KIAA1217: variants seen among roughly 807,000 people sequenced by gnomAD.
KIAA1217 encodes the protein KIAA1217, also known as sickle tail protein homolog.
KIAA1217 carries 88 observed loss-of-function variants against 163.9 expected under a neutral mutation model. That is an observed-to-expected ratio of 0.54 (90% CI 0.45 to 0.64). The LOEUF (loss-of-function observed/expected upper bound fraction) is 0.64. KIAA1217 is among the 30% of genes least tolerant of loss of function. KIAA1217 has a pLI of 0.00. For synonymous variants in KIAA1217, 903 were observed against 923.1 expected, an observed-to-expected ratio of 0.98 and a Z score of 0.39; for missense variants, 2,372 against 2,475.0, an observed-to-expected ratio of 0.96 and a Z score of 0.88.
intron 2 of KIAA1217, among the ~76,000 whole-genome samples, chr10:24,363,561 G>GTTT (rs965092942): frequency 1.6e-5 from 1 of 64,262 alleles, no homozygotes; most frequent in Non-Finnish European, 4.4e-5. Flanking sequence ...TGTGGGTTTT[G>GTTT]TTTTTGTTTT....
Position 24,546,310 on chromosome 10 carries a change from A to G in KIAA1217, c.5818A>G (p.Lys1940Glu). Reference protein sequence around the residue: ...SSSKATPSTAKETS With the variant: ...SSSKATPSTAEETS ...AAGCAAAGCCACCCCATCCACAGCA[A>G]AAGAAACCTCTTAAAGGTCAAATCC... The change falls in exon 21 of 21, where the codon AAA (lysine) becomes GAA (glutamate). Residue 1940 changes from lysine (K) to glutamate (E), a missense_variant. Physicochemically the swap from Lys to Glu is moderately conservative, Grantham distance 56 (BLOSUM62 1). Coordinates refer to ENST00000376454, the MANE Select transcript of KIAA1217 (RefSeq NM_019590.5). The G allele has an allele frequency of 6.3e-7, 1 of 1,597,992 alleles. No homozygotes were observed. The highest frequency in any genetic ancestry group is 8.5e-7 in the Non-Finnish European group (1 of 1,172,348).
chr10:24,094,270 G>A (rs1030542351), intron 2 of KIAA1217, among the ~76,000 whole-genome samples: 7 of 152,178 alleles, frequency 4.6e-5, no homozygotes, highest in African/African-American at 7.2e-5. Context: ...CCCACCAACA[G>A]TGTAAAAGTG....
In KIAA1217 at chr10:24,266,813, G is replaced by A. The variant is rs529659588; in HGVS notation, c.354+46904G>A. 5.3e-5 allele frequency among the ~76,000 whole-genome samples: 8 copies of A among 152,364 alleles called. No individual in the cohort carries two copies. In the East Asian group the frequency reaches 1.5e-3, roughly 29 times the overall value. On this transcript the variant is annotated intron_variant, in intron 2 of 20. Transcript: ENST00000376454. Reference sequence around the variant, plus strand: ...GAATAAATGCTGGCCACCCCAGCCAGTAGTGGCAACCCGCTCGGTCCCCTT... The same window carrying A: ...GAATAAATGCTGGCCACCCCAGCCAATAGTGGCAACCCGCTCGGTCCCCTT...
chr10:24,136,601 T>C (rs1452082764), intron 2 of KIAA1217, among the ~76,000 whole-genome samples: 1 of 152,198 alleles, frequency 6.6e-6, no homozygotes, highest in Admixed American at 6.5e-5. Context: ...ATCCCACCTT[T>C]GCTGAAAATA....
chr10:24,520,165 G>A lies in KIAA1217; in HGVS notation c.2220G>A (p.Thr740=). 1 of 1,614,100 alleles carries A rather than the reference G, an allele frequency of 6.2e-7. No homozygotes were observed. Reference sequence around the variant, plus strand: ...TTGAAGACTTGAAGAAGGACTCCACGGCAGCCAGCCGATTGGTTACTCTGA... The same window carrying A: ...TTGAAGACTTGAAGAAGGACTCCACAGCAGCCAGCCGATTGGTTACTCTGA... ...DFVEDLKKDS[T]AASRLVTLKD... The change falls in exon 11 of 21, where the codon ACG becomes ACA. Residue 740 remains threonine (T), a synonymous_variant. Coordinates refer to ENST00000376454, the MANE Select transcript of KIAA1217 (RefSeq NM_019590.5).
chr10:24,110,139 A>G (rs936257265), intron 2 of KIAA1217, among the ~76,000 whole-genome samples: 2 of 152,250 alleles, frequency 1.3e-5, no homozygotes, highest in African/African-American at 4.8e-5. Context: ...TTGAGTTTGT[A>G]TAAGAAAATG....
intron 3 of KIAA1217, among the ~76,000 whole-genome samples, chr10:24,429,646 T>G (rs1375141863): frequency 6.6e-6 from 1 of 152,214 alleles, no homozygotes; most frequent in African/African-American, 2.4e-5. Context: ...TTTTCTGGAC[T>G]GTTTGTTCTC....
At chr10:23,981,086 G>A (rs909217468) in intron 1 of KIAA1217, among the ~76,000 whole-genome samples, 10 of 152,174 alleles carry the variant, frequency 6.6e-5, no homozygotes, top group African/African-American at 2.4e-4. Flanking sequence ...ATAAACTTTA[G>A]TTAAGGCATC....
At chr10:24,409,415 A>T (rs1008087274) in intron 3 of KIAA1217, among the ~76,000 whole-genome samples, 1 of 152,228 alleles carries the variant, frequency 6.6e-6, no homozygotes, top group African/African-American at 2.4e-5. Flanking sequence ...AAATTAATTT[A>T]TAGTGACAGA....
chr10:23,837,043 A>C (rs1304251770), intron 1 of KIAA1217, among the ~76,000 whole-genome samples: 1 of 152,168 alleles, frequency 6.6e-6, no homozygotes, highest in Non-Finnish European at 1.5e-5. Context: ...TCACGTGTCT[A>C]TAATTCCACA....
intron 2 of KIAA1217, among the ~76,000 whole-genome samples, chr10:24,372,731 A>G (rs1396842300): frequency 6.6e-6 from 1 of 152,298 alleles, no homozygotes; most frequent in Non-Finnish European, 1.5e-5. Flanking sequence ...ATTGTGTCCA[A>G]TTACTAAATT....
rs573924661 is a variant in KIAA1217 at position 24,194,563 on chromosome 10, C to G, written c.-170-25063C>G. 1.5e-4 allele frequency among the ~76,000 whole-genome samples: 23 copies of G among 151,084 alleles called. 1 individual carries two copies. In the South Asian group the frequency reaches 4.9e-3, roughly 32 times the overall value. ...CTCACTTTGTCCTTAGCACAGGCAG[C>G]CTCTTTTCTTTGTTTTGGGGGTTGT... On this transcript the variant is annotated intron_variant, in intron 2 of 18. Coordinates refer to the KIAA1217 transcript ENST00000376462.
chr10:24,458,140 G>A (rs1564715434), intron 5 of KIAA1217, among the ~76,000 whole-genome samples: 2 of 152,236 alleles, frequency 1.3e-5, no homozygotes, highest in Non-Finnish European at 2.9e-5. Context: ...GCCAAGCCCG[G>A]CCTCAGGGCA....
intron 1 of KIAA1217, among the ~76,000 whole-genome samples, chr10:23,978,672 A>G (rs112013305): frequency 0.012 from 1,785 of 152,156 alleles, 52 homozygotes; most frequent in African/African-American, 0.04. Context: ...CCTATACACA[A>G]TCTTTATATA....
chr10:23,986,711 C>T (rs1177310565), intron 1 of KIAA1217, among the ~76,000 whole-genome samples: 1 of 152,146 alleles, frequency 6.6e-6, no homozygotes, highest in Non-Finnish European at 1.5e-5. Context: ...CTTTCTGCAA[C>T]AAAATTATGA....
intron 2 of KIAA1217, among the ~76,000 whole-genome samples, chr10:24,332,717 G>T (rs1269025624): frequency 6.6e-6 from 1 of 152,134 alleles, no homozygotes; most frequent in South Asian, 2.1e-4. Flanking sequence ...TGCCTCATTG[G>T]AGCACATGTA....
intron 1 of KIAA1217, among the ~76,000 whole-genome samples, chr10:23,702,153 G>C (rs1251209151): frequency 1.3e-5 from 2 of 152,132 alleles, no homozygotes; most frequent in East Asian, 1.9e-4. Flanking sequence ...TTAAAGTGCA[G>C]CATATCTATG....
intron 2 of KIAA1217, among the ~76,000 whole-genome samples, chr10:24,048,223 T>C (rs1422442022): frequency 6.6e-6 from 1 of 152,240 alleles, no homozygotes; most frequent in African/African-American, 2.4e-5. Flanking sequence ...CATATCTATA[T>C]GGGTCATTAC....
chr10:24,419,281 C>G (rs1338418779), intron 3 of KIAA1217, among the ~76,000 whole-genome samples: 1 of 152,056 alleles, frequency 6.6e-6, no homozygotes, highest in African/African-American at 2.4e-5. Context: ...CCAGATTTGG[C>G]CTCCTGAGTC....
Sources: gnomAD v4.1 joint callset for allele counts (sites outside exome capture counted in the v4.1 genomes callset) on GRCh38, gnomAD v4.1.1 for gene constraint, MANE v1.5 for transcripts, NCBI Gene and HGNC (gene_info 2026-07-23, HGNC 2026-07-21) for gene names.